The following TRDN variants were observed in gnomAD, a reference collection of about 807,000 sequenced individuals.
TRDN encodes triadin, also known as triadin in skeletal muscle.
In TRDN, 161 loss-of-function variants were observed where a neutral mutation model predicts 149.7. The observed-to-expected ratio is 1.08, with a 90% CI of 0.95 to 1.23. The LOEUF (loss-of-function observed/expected upper bound fraction) is 1.23, where lower values mean the gene tolerates loss of function less well. TRDN is among the 50% of genes most tolerant of loss of function. The pLI is 0.00. For synonymous variants in TRDN, 294 were observed against 250.5 expected, an observed-to-expected ratio of 1.17 and a Z score of -1.64; for missense variants, 896 against 823.5, an observed-to-expected ratio of 1.09 and a Z score of -1.08.
chr6:123,430,313 T>A (rs1333880348), intron 12 of TRDN, among the ~76,000 whole-genome samples: 2 of 152,048 alleles, frequency 1.3e-5, no homozygotes, highest in African/African-American at 2.4e-5. Context: ...CTGGGCGCAG[T>A]GGCTCATACG....
At chr6:123,421,352 T>C (rs77757056) in intron 12 of TRDN, among the ~76,000 whole-genome samples, 3,318 of 152,272 alleles carry the variant, frequency 0.022, 107 homozygotes, top group East Asian at 0.078. Flanking sequence ...AGATTAATAC[T>C]TTTTAGGCAA....
At chr6:123,257,287 C>A (rs1179433350) in intron 35 of TRDN, among the ~76,000 whole-genome samples, 1 of 151,984 alleles carries the variant, frequency 6.6e-6, no homozygotes, top group Non-Finnish European at 1.5e-5. Context: ...ATGTTTAAAT[C>A]TTTAATCCAT....
intron 8 of TRDN, among the ~76,000 whole-genome samples, chr6:123,501,357 C>T (rs1778693863): frequency 6.6e-6 from 1 of 150,794 alleles, no homozygotes. Context: ...TTAGGTCTAA[C>T]TTAACTATGT....
intron 12 of TRDN, among the ~76,000 whole-genome samples, chr6:123,432,819 A>T (rs1774387706): frequency 6.6e-6 from 1 of 152,020 alleles, no homozygotes; most frequent in Non-Finnish European, 1.5e-5. Flanking sequence ...AAACATCTAT[A>T]ATACCAAGCT....
At chr6:123,273,227 T>C (rs1188711493) in intron 28 of TRDN, 110 bp downstream of exon 28, 1 of 881,620 alleles carries the variant, frequency 1.1e-6, no homozygotes, top group Non-Finnish European at 1.6e-6. Flanking sequence ...AAACACAGGC[T>C]GTAATAAAAC....
At chr6:123,502,608 G>C (rs943054769) in intron 8 of TRDN, 2 of 984,564 alleles carry the variant, frequency 2.0e-6, no homozygotes, top group Non-Finnish European at 2.4e-6. Flanking sequence ...AATACAGTAC[G>C]AGTGCATTGC....
chr6:123,547,206 T>C (rs1332970003), intron 4 of TRDN, 134 bp downstream of exon 4: 5 of 544,494 alleles, frequency 9.2e-6, no homozygotes, highest in Non-Finnish European at 1.6e-5. Flanking sequence ...GTATTTTTTT[T>C]CTGACTATAA....
intron 9 of TRDN, among the ~76,000 whole-genome samples, chr6:123,475,023 C>G (rs1319576869): frequency 1.3e-5 from 2 of 151,980 alleles, no homozygotes; most frequent in African/African-American, 4.8e-5. Context: ...CAAACATATT[C>G]AAAAGCTAGC....
chr6:123,277,571 C>G (rs1777416119), intron 26 of TRDN, among the ~76,000 whole-genome samples: 1 of 152,022 alleles, frequency 6.6e-6, no homozygotes, highest in Admixed American at 6.6e-5. Flanking sequence ...GTTTACAGAG[C>G]TAGAGACACA....
At chr6:123,459,054 A>G (rs1776298146) in intron 10 of TRDN, among the ~76,000 whole-genome samples, 1 of 152,218 alleles carries the variant, frequency 6.6e-6, no homozygotes, top group South Asian at 2.1e-4. Flanking sequence ...AGAGTTTCTC[A>G]TAACATATTC....
intron 12 of TRDN, among the ~76,000 whole-genome samples, chr6:123,403,675 C>G (rs1308525975): frequency 6.6e-6 from 1 of 152,118 alleles, no homozygotes; most frequent in Non-Finnish European, 1.5e-5. Context: ...CAGGAATACA[C>G]AGCTGTTTCC....
At chr6:123,529,215 C>A (rs1016125941) in intron 5 of TRDN, 2 of 1,548,342 alleles carry the variant, frequency 1.3e-6, no homozygotes, top group Non-Finnish European at 1.7e-6. Context: ...TTCTGTTTAA[C>A]CTTCAGCAGA....
intron 23 of TRDN, among the ~76,000 whole-genome samples, chr6:123,329,730 C>T (rs1419998925): frequency 6.6e-6 from 1 of 152,042 alleles, no homozygotes; most frequent in Admixed American, 6.6e-5. Flanking sequence ...TAGGAGACAT[C>T]ACTGTCACTC....
intron 24 of TRDN, among the ~76,000 whole-genome samples, chr6:123,302,521 C>T (rs1778465075): frequency 6.6e-6 from 1 of 152,020 alleles, no homozygotes; most frequent in Non-Finnish European, 1.5e-5. Flanking sequence ...CCAACCAGTG[C>T]TCAGGAATGG....
chr6:123,252,565 A>G lies in TRDN; in HGVS notation c.1952-130T>C, dbSNP rs974613134. ...ATTATTTAAGAATCAATGAAGAAAT[A>G]CAGTCATCTGTTGCCTGTCAACATA... On this transcript the variant is annotated intron_variant, in intron 37 of 40. Coordinates refer to ENST00000334268, the MANE Select transcript of TRDN (RefSeq NM_006073.4). 22 of 497,190 alleles carry G rather than the reference A, an allele frequency of 4.4e-5. No homozygotes were observed. The East Asian group carries it at 4.9e-4, about 11-fold the overall frequency. 30.8% of individuals were successfully genotyped at this position (497,190 alleles called of 1,614,324 possible).
At chr6:123,622,152 G>C (rs1002591648) in intron 1 of TRDN, among the ~76,000 whole-genome samples, 2 of 151,864 alleles carry the variant, frequency 1.3e-5, no homozygotes, top group African/African-American at 4.8e-5. Context: ...CTCCTCCTCA[G>C]TCTACTCAAT....
At chr6:123,595,893 C>A (rs771966108) in intron 1 of TRDN, among the ~76,000 whole-genome samples, 10 of 151,980 alleles carry the variant, frequency 6.6e-5, no homozygotes, top group Non-Finnish European at 1.5e-4. Context: ...CGTCCCTATT[C>A]CCTGAGACAC....
chr6:123,253,703 C>T (rs746184492), intron 37 of TRDN, among the ~76,000 whole-genome samples: 11 of 152,104 alleles, frequency 7.2e-5, no homozygotes, highest in Non-Finnish European at 1.3e-4. Context: ...TTTTTCTCCA[C>T]TGTTTTCCCA....
chr6:123,536,620 T>G (rs1408925222), intron 4 of TRDN, among the ~76,000 whole-genome samples: 2 of 151,402 alleles, frequency 1.3e-5, no homozygotes, highest in Non-Finnish European at 2.9e-5. Flanking sequence ...GAAAGCTGAG[T>G]TGGGCAGATT....
Sources: allele counts gnomAD v4.1 joint callset (sites outside exome capture counted in the v4.1 genomes callset), GRCh38; gene constraint gnomAD v4.1.1; transcripts MANE v1.5; gene names NCBI Gene and HGNC (gene_info 2026-07-23, HGNC 2026-07-21).